Variants in UTP20 observed in about 807,000 individuals in gnomAD.
The protein encoded by UTP20 is UTP20 small subunit processome component.
A neutral mutation model predicts 329.5 loss-of-function variants in UTP20; 164 were observed. That is an observed-to-expected ratio of 0.50 (90% CI 0.44 to 0.57). The LOEUF is 0.57. Ranked by LOEUF, UTP20 falls within the 20% of genes least tolerant of loss-of-function variation. The pLI is 0.00. For missense variants in UTP20, 3,055 were observed against 3,284.2 expected, an observed-to-expected ratio of 0.93 and a Z score of 1.71; for synonymous variants, 1,151 against 1,159.3, an observed-to-expected ratio of 0.99 and a Z score of 0.14.
intron 21 of UTP20, among the ~76,000 whole-genome samples, chr12:101,316,168 T>G (rs1872965496): frequency 6.6e-6 from 1 of 152,210 alleles, no homozygotes; most frequent in South Asian, 2.1e-4. Context: ...TAGAACTAAT[T>G]TGTGAATCCC....
In UTP20 at chr12:101,299,756, C is replaced by G. The variant is rs4764643; in HGVS notation, c.1505C>G (p.Ser502Cys). Reference protein sequence around the residue: ...EQFPVLDHLLSIIKLPPNKDT... With the variant: ...EQFPVLDHLLCIIKLPPNKDT... ...TTTCCAGTATTGGACCATCTTTTAT[C>G]TATAATTAAGTTACCCCCAAATAAA... The change falls in exon 13 of 62, where the codon TCT (serine) becomes TGT (cysteine). Residue 502 changes from serine (S) to cysteine (C), a missense_variant. Physicochemically the swap from Ser to Cys is moderately radical, Grantham distance 112. This residue lies in a region of UTP20 where 2,445 missense variants were observed against 2,575.5 expected (regional missense o/e 0.95). Coordinates refer to ENST00000261637, the MANE Select transcript of UTP20 (RefSeq NM_014503.3). 286,152 of 1,611,518 alleles carry G rather than the reference C, an allele frequency of 0.18. 27,413 individuals are homozygous for G. Among genetic ancestry groups the G allele is most frequent in the Middle Eastern group, 0.22 (1,324 of 6,050 alleles).
rs976824098 is a variant in UTP20, at chr12:101,342,971, G to A, written c.4327G>A (p.Asp1443Asn). The A allele has an allele frequency of 6.2e-7, 1 of 1,613,512 alleles. No homozygotes were observed. The highest frequency in any genetic ancestry group is 1.3e-5 in the African/African-American group (1 of 74,914). The change falls in exon 35 of 62, where the codon GAT (aspartate) becomes AAT (asparagine). Residue 1443 changes from aspartate (D) to asparagine (N), a missense_variant. Physicochemically the swap from Asp to Asn is conservative, Grantham distance 23. Coordinates refer to ENST00000261637, the MANE Select transcript of UTP20 (RefSeq NM_014503.3). The stretch of plus-strand genomic sequence containing the variant: ...CGCCTTCGATCAAAGACATCTTGAT[G>A]ATATCAACTTCGACGTTCGCTTTGA... ...LNAFDQRHLD[D>N]INFDVRFETF...
chr12:101,378,546 C>T (rs996551639), intron 56 of UTP20, among the ~76,000 whole-genome samples: 1 of 151,998 alleles, frequency 6.6e-6, no homozygotes, highest in Non-Finnish European at 1.5e-5. Flanking sequence ...TGATGAAACC[C>T]TGTCTCTACT....
rs761275801 is a variant in UTP20, at chr12:101,352,150, T to A, written c.4980T>A (p.Ile1660=). The A allele has an allele frequency of 6.2e-7, 1 of 1,613,860 alleles. No homozygotes were observed. The highest frequency in any genetic ancestry group is 1.1e-5 in the South Asian group (1 of 90,872). Reference sequence around the variant, plus strand: ...ATATGTATTACTTGAAACATTTCATTCATGTCTTACAAACGGGACAGATCA... The same window carrying A: ...ATATGTATTACTTGAAACATTTCATACATGTCTTACAAACGGGACAGATCA... ...SAYMYYLKHF[I]HVLQTGQINQ... is the part of the protein sequence containing the mutation. The change falls in exon 39 of 62, where the codon ATT becomes ATA. Residue 1660 remains isoleucine, a synonymous_variant. Coordinates refer to ENST00000261637, the MANE Select transcript of UTP20 (RefSeq NM_014503.3).
At position 101,355,110 on chromosome 12, in the gene UTP20, G is replaced by T. The variant is rs964359460; in HGVS notation, c.5386G>T (p.Ala1796Ser). The change falls in exon 41 of 62, where the codon GCA becomes TCA. Residue 1796 changes from alanine to serine, a missense_variant. Physicochemically the swap from Ala to Ser is moderately conservative, Grantham distance 99. Coordinates refer to ENST00000261637, the MANE Select transcript of UTP20 (RefSeq NM_014503.3). ...DILPRLHKCL[A>S]STTKREEEHK... ...TCTCCCCAGGCTACATAAATGCCTT[G>T]CATCTACGGTAATAAATTTATTCGG... The T allele has an allele frequency of 6.2e-7, 1 of 1,612,696 alleles. No individual in the cohort carries two copies.
Position 101,356,990 on chromosome 12 carries a change from A to G in UTP20, c.5599A>G (p.Ser1867Gly). 2 of 1,614,176 alleles carry G rather than the reference A, an allele frequency of 1.2e-6. No individual in the cohort carries two copies. The highest frequency in any genetic ancestry group is 1.6e-4 in the Middle Eastern group (1 of 6,062). Residue 1867 changes from serine (S) to glycine (G), a missense_variant, in exon 43 of 62, where the codon AGC (serine) becomes GGC (glycine). Physicochemically the swap from Ser to Gly is moderately conservative, Grantham distance 56. Coordinates refer to ENST00000261637, the MANE Select transcript of UTP20 (RefSeq NM_014503.3). ...CCAAGAAATCAGAGACATTGCACGC[A>G]GCACTCTTGCGAAAATAATAGAGGA... ...RAQEIRDIAR[S>G]TLAKIIEDLG...
At chr12:101,383,340 C>T in intron 59 of UTP20, 27 bp downstream of exon 59, 1 of 1,583,330 alleles carries the variant, frequency 6.3e-7, no homozygotes, top group Non-Finnish European at 8.6e-7. Context: ...GAATGACTGA[C>T]AGTAGTCATT....
At position 101,285,492 on chromosome 12, in the gene UTP20, A is replaced by G. The variant is rs566218440; in HGVS notation, c.127-78A>G. The G allele has an allele frequency of 5.6e-5, 80 of 1,433,124 alleles. No individual in the cohort carries two copies. The South Asian group carries it at 8.3e-4, about 15-fold the overall frequency. The allele number at this position is 1,433,124 out of a possible 1,614,324, so 88.8% of individuals were successfully genotyped here. A position where few individuals can be genotyped will look rare whatever the true frequency, so the allele number is the denominator to read the frequency against. On this transcript the variant is annotated intron_variant, in intron 2 of 61. Coordinates refer to ENST00000261637, the MANE Select transcript of UTP20 (RefSeq NM_014503.3). Reference sequence around the variant, plus strand: ...TTCAGTATCATTGTCTTAAGATATTAATATATCATTATTCTATTTACCTTG... The same window carrying G: ...TTCAGTATCATTGTCTTAAGATATTGATATATCATTATTCTATTTACCTTG...
intron 25 of UTP20, among the ~76,000 whole-genome samples, chr12:101,322,126 A>G (rs1048908527): frequency 1.3e-5 from 2 of 152,046 alleles, no homozygotes; most frequent in Admixed American, 6.6e-5. Context: ...AGTAGCTGGG[A>G]TCACAAGCGT....
At chr12:101,355,923 T>C (rs1869704683) in intron 41 of UTP20, among the ~76,000 whole-genome samples, 1 of 152,134 alleles carries the variant, frequency 6.6e-6, no homozygotes, top group Admixed American at 6.5e-5. Flanking sequence ...TTTATATGAG[T>C]TTCCTATACT....
In UTP20 at chr12:101,285,898, G is replaced by A. The variant is rs200349792; in HGVS notation, c.326+17G>A. Reference sequence around the variant, plus strand: ...CCTTTTGGAGTAAGTAGCATCTTGAGAGAAAGCTCACAACTATATTTGCCT... The same window carrying A: ...CCTTTTGGAGTAAGTAGCATCTTGAAAGAAAGCTCACAACTATATTTGCCT... On this transcript the variant is annotated intron_variant, in intron 4 of 61. Coordinates refer to ENST00000261637, the MANE Select transcript of UTP20 (RefSeq NM_014503.3). The A allele has an allele frequency of 6.2e-7, 1 of 1,611,210 alleles. No homozygotes were observed. Among genetic ancestry groups the A allele is most frequent in the Non-Finnish European group, 8.5e-7 (1 of 1,178,906 alleles).
At chr12:101,311,355 A>T (rs751716211) in intron 19 of UTP20, among the ~76,000 whole-genome samples, 11 of 152,140 alleles carry the variant, frequency 7.2e-5, no homozygotes, top group Middle Eastern at 3.2e-3. Context: ...GAAACTAATT[A>T]TTTTTAAGTT....
intron 22 of UTP20, 77 bp from the exon 23 acceptor site, chr12:101,319,467 TA>T: frequency 9.2e-7 from 1 of 1,086,474 alleles, no homozygotes; most frequent in Non-Finnish European, 1.3e-6. Context: ...CTAGTCAGAA[TA>T]AAATTGTAGA....
chr12:101,288,869 C>G (rs759719863), intron 5 of UTP20, 91 bp from the exon 6 acceptor site: 1 of 1,143,538 alleles, frequency 8.7e-7, no homozygotes, highest in African/African-American at 1.6e-5. Flanking sequence ...CTTGCATACC[C>G]AGCACATTGT....
At chr12:101,305,445 C>T (rs1303997885) in intron 15 of UTP20, among the ~76,000 whole-genome samples, 1 of 150,962 alleles carries the variant, frequency 6.6e-6, no homozygotes, top group African/African-American at 2.4e-5. Flanking sequence ...CCTGGGCTGC[C>T]CTACCCCAGA....
chr12:101,378,463 C>T (rs1007056362), intron 56 of UTP20, among the ~76,000 whole-genome samples: 4 of 152,150 alleles, frequency 2.6e-5, no homozygotes, highest in Non-Finnish European at 5.9e-5. Context: ...GTGGCTCACA[C>T]CTGTAATCCC....
rs535716513 is a variant in UTP20, at chr12:101,314,525, G to A, written c.2552+2249G>A. Among the ~76,000 whole-genome samples, 3 of 152,146 alleles carry A rather than the reference G, an allele frequency of 2.0e-5. No homozygotes were observed. The East Asian group carries it at 5.8e-4, about 29-fold the overall frequency. The stretch of plus-strand genomic sequence containing the variant: ...TACAAAAAATTAGCTAGGCGTGGTG[G>A]TGGGTGCCTGTAGTCCCAGCTACTC... On this transcript the variant is annotated intron_variant, in intron 21 of 61. Transcript: ENST00000261637.
At chr12:101,320,511 G>A (rs756998803) in intron 23 of UTP20, among the ~76,000 whole-genome samples, 1 of 151,710 alleles carries the variant, frequency 6.6e-6, no homozygotes, top group Non-Finnish European at 1.5e-5. Context: ...AGTCGAGATC[G>A]TATCACTGCA....
At chr12:101,281,625 A>G (rs1291427698) in intron 2 of UTP20, among the ~76,000 whole-genome samples, 2 of 152,186 alleles carry the variant, frequency 1.3e-5, no homozygotes, top group African/African-American at 4.8e-5. Flanking sequence ...TCTCCTTTAT[A>G]AAAATAAAGG....
Sources: gnomAD v4.1 joint callset for allele counts (sites outside exome capture counted in the v4.1 genomes callset) on GRCh38, gnomAD v4.1.1 for gene constraint, gnomAD v4.1.1 regional missense constraint, MANE v1.5 for transcripts, NCBI Gene and HGNC (gene_info 2026-07-23, HGNC 2026-07-21) for gene names.